Variants in TRPS1 observed in about 807,000 individuals in gnomAD.
TRPS1 encodes the protein transcriptional repressor GATA binding 1.
In TRPS1, 6 loss-of-function variants were observed where a neutral mutation model predicts 101.2. That is an observed-to-expected ratio of 0.06 (90% confidence interval 0.03 to 0.12). The LOEUF (loss-of-function observed/expected upper bound fraction) is 0.12. Among genes scored for constraint, TRPS1 ranks in the 10% least tolerant of loss-of-function variants. The pLI is 1.00. For missense variants in TRPS1, 1,363 were observed against 1,567.0 expected (o/e 0.87, Z 2.20); for synonymous variants, 578 against 589.8 (o/e 0.98, Z 0.29).
intron 5 of TRPS1, among the ~76,000 whole-genome samples, chr8:115,487,183 C>G (rs1160212475): frequency 6.6e-6 from 1 of 152,072 alleles, no homozygotes; most frequent in African/African-American, 2.4e-5. Flanking sequence ...GACAGCAAAG[C>G]CTGGATGACA....
chr8:115,468,332 T>C (rs1334575586), intron 5 of TRPS1, among the ~76,000 whole-genome samples: 1 of 152,218 alleles, frequency 6.6e-6, no homozygotes, highest in African/African-American at 2.4e-5. Context: ...TCCAGGATTT[T>C]AAGAGGGAGA....
At chr8:115,499,963 C>A (rs989970443) in intron 5 of TRPS1, among the ~76,000 whole-genome samples, 1 of 52,502 alleles carries the variant, frequency 1.9e-5, no homozygotes, top group Non-Finnish European at 5.0e-5. Flanking sequence ...TTCTTTCTTT[C>A]TTTTCTTTTC....
At chr8:115,651,235 C>A (rs930809747) in intron 1 of TRPS1, among the ~76,000 whole-genome samples, 1 of 152,158 alleles carries the variant, frequency 6.6e-6, no homozygotes, top group Non-Finnish European at 1.5e-5. Context: ...CAGGCTTCCC[C>A]TTTGCCTTAG....
At chr8:115,588,494 T>C (rs1817616134) in intron 4 of TRPS1, among the ~76,000 whole-genome samples, 1 of 152,162 alleles carries the variant, frequency 6.6e-6, no homozygotes, top group East Asian at 1.9e-4. Context: ...AACAAGACAA[T>C]TTTATTATCA....
intron 5 of TRPS1, among the ~76,000 whole-genome samples, chr8:115,529,903 G>C (rs1816090104): frequency 6.6e-6 from 1 of 152,078 alleles, no homozygotes; most frequent in Non-Finnish European, 1.5e-5. Flanking sequence ...AACTGGCAGG[G>C]AAATATAAAG....
In TRPS1 at chr8:115,619,528, C is replaced by G; in HGVS notation, c.570G>C (p.Leu190Phe). 1 of 1,614,176 alleles carries G rather than the reference C, an allele frequency of 6.2e-7. No homozygotes were observed. The highest frequency in any genetic ancestry group is 1.3e-5 in the African/African-American group (1 of 75,046). ...TTTTTGAGGCCACTGAAACTGGGCT[C>G]AAACCTTGACAATTGGCTTGACCAC... ...AQSGQANCQG[L>F]SPVSVASKNP... The change falls in exon 3 of 7, where the codon TTG becomes TTC. Residue 190 changes from leucine (L) to phenylalanine (F), a missense_variant. Physicochemically the swap from Leu to Phe is conservative, Grantham distance 22. Around this residue, in one of 5 missense-constraint regions of TRPS1, gnomAD observed 1,020 missense variants for 1,073.0 expected, o/e 0.95. Coordinates refer to ENST00000395715, the MANE Select transcript of TRPS1 (RefSeq NM_014112.5).
chr8:115,475,270 ATATATATAT>A (rs1814573882), intron 5 of TRPS1, among the ~76,000 whole-genome samples: 22 of 24,622 alleles, frequency 8.9e-4, no homozygotes, highest in African/African-American at 1.9e-3. Context: ...TCACAGTTAT[ATATATATAT>A]ATATATATAT....
rs139102161 is a variant in TRPS1, at chr8:115,523,739, C to T, written c.2700+63262G>A. Among the ~76,000 whole-genome samples, 1,256 of 152,134 alleles carry T rather than the reference C, an allele frequency of 8.3e-3. 19 individuals carry two copies. The highest frequency in any genetic ancestry group is 0.028 in the African/African-American group (1,179 of 41,524). On this transcript the variant is annotated intron_variant, in intron 5 of 6. Coordinates refer to ENST00000395715, the MANE Select transcript of TRPS1 (RefSeq NM_014112.5). ...AAAAGAGCATGATGATAACAATATC[C>T]GTTGATACATGGATGAGTCTCCGGC...
chr8:115,587,750 G>T, intron 4 of TRPS1, 146 bp from the exon 5 acceptor site: 1 of 1,386,006 alleles, frequency 7.2e-7, no homozygotes, highest in Non-Finnish European at 1.0e-6. Context: ...CCCCAAAACT[G>T]GAATGTAATT....
intron 5 of TRPS1, among the ~76,000 whole-genome samples, chr8:115,507,224 G>A (rs1312441300): frequency 6.6e-6 from 1 of 152,038 alleles, no homozygotes; most frequent in African/African-American, 2.4e-5. Flanking sequence ...TCGTTCGTTT[G>A]TCTAAAACAA....
rs903682116 is a variant in TRPS1, at chr8:115,587,465, T to G, written c.2236A>C (p.Ile746Leu). ...TTGGGCTCCTCTTTGATGGTGGATA[T>G]GGCATGACCGTCCTCTTCGCCGTTG... The part of the protein sequence containing the change: ...TANGEEDGHA[I>L]STIKEEPKID... The change falls in exon 5 of 7, where the codon ATA becomes CTA. Residue 746 changes from isoleucine (I) to leucine (L), a missense_variant. Physicochemically the swap from Ile to Leu is conservative, Grantham distance 5. Transcript: ENST00000395715. 28 of 1,614,062 alleles carry G rather than the reference T, an allele frequency of 1.7e-5. No individual in the cohort carries two copies. Among genetic ancestry groups the G allele is most frequent in the Non-Finnish European group, 2.4e-5 (28 of 1,180,016 alleles).
intron 1 of TRPS1, among the ~76,000 whole-genome samples, chr8:115,647,852 T>C (rs1811453896): frequency 6.6e-6 from 1 of 152,138 alleles, no homozygotes; most frequent in African/African-American, 2.4e-5. Flanking sequence ...TAATAACCTA[T>C]GCCATCATTT....
chr8:115,626,846 T>A lies in TRPS1; in HGVS notation c.-121-3088A>T, dbSNP rs958364826. On this transcript the variant is annotated intron_variant, in intron 1 of 6. Transcript: ENST00000395715. ...GCCCAAACACATTTTATTAGGCTTT[T>A]ATTTCATCTTGCTATGTTCTCTAGA... Among the ~76,000 whole-genome samples the A allele has an allele frequency of 1.5e-4, 23 of 151,772 alleles. 1 individual carries two copies. Among genetic ancestry groups the A allele is most frequent in the Non-Finnish European group, 7.4e-5 (5 of 67,732 alleles).
At chr8:115,462,804 G>A (rs1814220368) in intron 5 of TRPS1, among the ~76,000 whole-genome samples, 3 of 152,024 alleles carry the variant, frequency 2.0e-5, no homozygotes, top group African/African-American at 7.2e-5. Flanking sequence ...TCTAGTCTTT[G>A]TTCATTCATT....
intron 5 of TRPS1, among the ~76,000 whole-genome samples, chr8:115,471,264 G>A (rs1464331241): frequency 3.3e-5 from 5 of 152,120 alleles, no homozygotes; most frequent in Admixed American, 3.3e-4. Flanking sequence ...GAGGCCTCAA[G>A]AAACTTACAA....
intron 5 of TRPS1, among the ~76,000 whole-genome samples, chr8:115,460,436 A>G (rs554222160): frequency 7.1e-4 from 108 of 152,220 alleles, no homozygotes; most frequent in Non-Finnish European, 8.2e-4. Flanking sequence ...TAAAACAAAA[A>G]ATCAGGGTTT....
intron 4 of TRPS1, 148 bp downstream of exon 4, chr8:115,603,725 C>T: frequency 1.1e-6 from 1 of 936,674 alleles, no homozygotes; most frequent in Non-Finnish European, 1.6e-6. Flanking sequence ...ACCTGCAAAT[C>T]TGTGATGAAC....
intron 5 of TRPS1, among the ~76,000 whole-genome samples, chr8:115,434,058 G>T (rs932127438): frequency 1.2e-4 from 2 of 16,210 alleles, no homozygotes; most frequent in Non-Finnish European, 2.2e-4. Flanking sequence ...GTTAATAAGT[G>T]AATATGCAAA....
rs73371332 is a variant in TRPS1, at chr8:115,530,374, G to A, written c.2700+56627C>T. Among the ~76,000 whole-genome samples, 1,415 of 152,172 alleles carry A rather than the reference G, an allele frequency of 9.3e-3. 17 individuals carry two copies. Among genetic ancestry groups the A allele is most frequent in the African/African-American group, 0.032 (1,335 of 41,528 alleles). On this transcript the variant is annotated intron_variant, in intron 5 of 6. Transcript: ENST00000395715. Reference sequence around the variant, plus strand: ...TCCAGAAATGGTAAAATGTGAAGTCGTCTTGGGAGAAAATAGGCCAGTAAC... The same window carrying A: ...TCCAGAAATGGTAAAATGTGAAGTCATCTTGGGAGAAAATAGGCCAGTAAC...
Sources: gnomAD v4.1 joint callset for allele counts (sites outside exome capture counted in the v4.1 genomes callset) on GRCh38, gnomAD v4.1.1 for gene constraint, gnomAD v4.1.1 regional missense constraint, MANE v1.5 for transcripts, NCBI Gene and HGNC (gene_info 2026-07-23, HGNC 2026-07-21) for gene names.